RCAN2: variants seen among roughly 807,000 people sequenced by gnomAD.
The protein encoded by RCAN2 is regulator of calcineurin 2.
Under a neutral mutation model 23.6 loss-of-function variants are expected in RCAN2, and 9 were observed. The observed-to-expected ratio is 0.38, with a 90% CI of 0.23 to 0.67. RCAN2 has a LOEUF of 0.67. RCAN2 is among the 30% of genes least tolerant of loss of function. RCAN2 has a pLI of 0.51. For missense variants in RCAN2, 273 were observed against 302.3 expected (o/e 0.90, Z 0.72); for synonymous variants, 109 against 115.7 (o/e 0.94, Z 0.37).
chr6:46,416,687 A>G (rs1198901231), intron 2 of RCAN2, among the ~76,000 whole-genome samples: 1 of 151,590 alleles, frequency 6.6e-6, no homozygotes. Flanking sequence ...ATCCCCAGCT[A>G]ATGTTTTTAT....
At chr6:46,452,709 G>A (rs1278616597) in intron 2 of RCAN2, among the ~76,000 whole-genome samples, 3 of 152,130 alleles carry the variant, frequency 2.0e-5, no homozygotes, top group Admixed American at 1.3e-4. Flanking sequence ...ACAAGTAAAG[G>A]ACTCATGTTT....
intron 2 of RCAN2, among the ~76,000 whole-genome samples, chr6:46,312,656 T>C (rs145308068): frequency 4.9e-4 from 75 of 152,340 alleles, no homozygotes; most frequent in African/African-American, 1.8e-3. Context: ...AACTTAATCA[T>C]ATCCTCAAGA....
intron 2 of RCAN2, among the ~76,000 whole-genome samples, chr6:46,256,964 A>G (rs1178113707): frequency 6.6e-6 from 1 of 152,198 alleles, no homozygotes; most frequent in African/African-American, 2.4e-5. Context: ...CACAGGGTCT[A>G]TGGAATAAAG....
intron 2 of RCAN2, among the ~76,000 whole-genome samples, chr6:46,265,755 G>A (rs1767306960): frequency 6.6e-6 from 1 of 152,134 alleles, no homozygotes; most frequent in African/African-American, 2.4e-5. Context: ...ACCAAGGGCT[G>A]CTTATTTGTG....
chr6:46,419,559 G>A (rs986382385), intron 2 of RCAN2, among the ~76,000 whole-genome samples: 1 of 151,944 alleles, frequency 6.6e-6, no homozygotes, highest in Non-Finnish European at 1.5e-5. Flanking sequence ...TTTTGCCCAA[G>A]ATTTTATAAA....
At chr6:46,454,287 AG>A (rs1767961202) in intron 2 of RCAN2, among the ~76,000 whole-genome samples, 3 of 152,228 alleles carry the variant, frequency 2.0e-5, no homozygotes. Flanking sequence ...TTTTTTAAAA[AG>A]GAGGTTAAAT....
intron 2 of RCAN2, among the ~76,000 whole-genome samples, chr6:46,274,510 G>A (rs2150334791): frequency 6.6e-6 from 1 of 151,988 alleles, no homozygotes; most frequent in Admixed American, 6.5e-5. Flanking sequence ...GTATGCTGAT[G>A]TAGGTCTCTG....
At chr6:46,351,338 T>C (rs1440834951) in intron 2 of RCAN2, among the ~76,000 whole-genome samples, 1 of 152,250 alleles carries the variant, frequency 6.6e-6, no homozygotes, top group Non-Finnish European at 1.5e-5. Flanking sequence ...TAATTCAGCA[T>C]ATAAAACCTG....
chr6:46,239,738 C>G (rs1217204259), intron 4 of RCAN2, among the ~76,000 whole-genome samples: 3 of 152,050 alleles, frequency 2.0e-5, no homozygotes, highest in Non-Finnish European at 4.4e-5. Context: ...AGAGCATACT[C>G]TGTAGTTTTG....
intron 2 of RCAN2, among the ~76,000 whole-genome samples, chr6:46,334,822 C>T (rs983835297): frequency 8.5e-5 from 13 of 152,126 alleles, no homozygotes; most frequent in African/African-American, 1.9e-4. Context: ...TCTTCTTTGC[C>T]GTACCTTCCT....
chr6:46,279,498 CT>C (rs1767829916), intron 2 of RCAN2, among the ~76,000 whole-genome samples: 1 of 152,230 alleles, frequency 6.6e-6, no homozygotes, highest in Admixed American at 6.5e-5. Context: ...TAGCATCCCC[CT>C]AATTGTGACA....
rs373502933 is a variant in RCAN2, at chr6:46,424,361, C to G, written c.225+32391G>C. ...AGCAAGTAGAACTGGGACTCAAATC[C>G]CAGCAGACAAACTCCAATCCTCCCA... is the stretch of plus-strand genomic sequence containing the variant. On this transcript the variant is annotated intron_variant, in intron 2 of 4. Transcript: ENST00000371374. Among the ~76,000 whole-genome samples the G allele has an allele frequency of 5.3e-5, 8 of 152,202 alleles. No individual in the cohort carries two copies. The East Asian group carries it at 9.7e-4, about 18-fold the overall frequency.
rs1354470270 is a variant in RCAN2, at chr6:46,287,807, G to A, written c.226-38911C>T. Among the ~76,000 whole-genome samples, 5 of 152,354 alleles carry A rather than the reference G, an allele frequency of 3.3e-5. No homozygotes were observed. In the East Asian group the frequency reaches 5.8e-4, roughly 18 times the overall value. On this transcript the variant is annotated intron_variant, in intron 2 of 4. Coordinates refer to ENST00000371374, the MANE Select transcript of RCAN2 (RefSeq NM_001251974.2). ...GAGTATGGGATTCCTGGAAGAGGCC[G>A]TGGGTGCTGTGAGCAAATAGCTGTT... is the stretch of plus-strand genomic sequence containing the variant.
chr6:46,414,984 G>A (rs1766664554), intron 2 of RCAN2, among the ~76,000 whole-genome samples: 1 of 152,208 alleles, frequency 6.6e-6, no homozygotes, highest in South Asian at 2.1e-4. Context: ...TGGTTGGATT[G>A]TATGGGTATC....
chr6:46,399,111 T>C (rs1263334690), intron 2 of RCAN2, among the ~76,000 whole-genome samples: 1 of 151,980 alleles, frequency 6.6e-6, no homozygotes, highest in Admixed American at 6.6e-5. Flanking sequence ...AGCTGTTCCC[T>C]GAGTATTAAT....
At chr6:46,332,321 T>A (rs1054319541) in intron 2 of RCAN2, among the ~76,000 whole-genome samples, 2 of 152,166 alleles carry the variant, frequency 1.3e-5, no homozygotes, top group Admixed American at 6.5e-5. Flanking sequence ...TGATTTTTTT[T>A]ATTATACTTT....
chr6:46,478,364 A>T (rs1219693743), intron 1 of RCAN2, among the ~76,000 whole-genome samples: 2 of 152,202 alleles, frequency 1.3e-5, no homozygotes, highest in Non-Finnish European at 2.9e-5. Flanking sequence ...CACCTATAAC[A>T]CATTTCTACA....
At chr6:46,243,370 A>C (rs1392849816) in intron 4 of RCAN2, among the ~76,000 whole-genome samples, 1 of 152,198 alleles carries the variant, frequency 6.6e-6, no homozygotes, top group Non-Finnish European at 1.5e-5. Flanking sequence ...TCCAGATTGC[A>C]GCTGTTCCAT....
intron 2 of RCAN2, among the ~76,000 whole-genome samples, chr6:46,316,178 C>G (rs539517104): frequency 2.6e-5 from 4 of 152,220 alleles, no homozygotes; most frequent in African/African-American, 9.6e-5. Flanking sequence ...GGCAAGAAAA[C>G]TTAGAATTCC....
Sources: allele counts gnomAD v4.1 joint callset (sites outside exome capture counted in the v4.1 genomes callset), GRCh38; gene constraint gnomAD v4.1.1; transcripts MANE v1.5; gene names NCBI Gene and HGNC (gene_info 2026-07-23, HGNC 2026-07-21).